Variants in STAT5B observed in about 807,000 individuals in gnomAD.
STAT5B encodes transcription factor STAT5B.
A neutral mutation model predicts 107.8 loss-of-function variants in STAT5B; 21 were observed. The ratio of observed to expected loss-of-function variants is 0.19; its 90% confidence interval spans 0.14 to 0.28. The LOEUF is 0.28. Ranked by LOEUF, STAT5B falls within the 10% of genes least tolerant of loss-of-function variation. STAT5B has a pLI of 1.00. For synonymous variants in STAT5B, 325 were observed against 401.7 expected, an observed-to-expected ratio of 0.81 and a Z score of 2.28; for missense variants, 565 against 1,008.2, an observed-to-expected ratio of 0.56 and a Z score of 5.95.
chr17:42,267,165 G>C (rs2080680119), intron 1 of STAT5B, among the ~76,000 whole-genome samples: 1 of 152,184 alleles, frequency 6.6e-6, no homozygotes, highest in South Asian at 2.1e-4. Context: ...CCAGTCATGT[G>C]AAAGTCTAGC....
chr17:42,264,975 T>C (rs1414721567), intron 1 of STAT5B, among the ~76,000 whole-genome samples: 1 of 123,582 alleles, frequency 8.1e-6, no homozygotes, highest in Admixed American at 8.9e-5. Flanking sequence ...TGAGCATTTT[T>C]TCATGTGTTT....
At chr17:42,251,967 C>A (rs1258143735) in intron 1 of STAT5B, among the ~76,000 whole-genome samples, 1 of 150,156 alleles carries the variant, frequency 6.7e-6, no homozygotes, top group Non-Finnish European at 1.5e-5. Context: ...CCACTGCATT[C>A]CAGCCTGGGT....
chr17:42,221,974 GTGTGTGTGC>G (rs1431866131), intron 5 of STAT5B, among the ~76,000 whole-genome samples: 17 of 144,628 alleles, frequency 1.2e-4, no homozygotes, highest in Non-Finnish European at 2.3e-4. Context: ...TATGTGTGGT[GTGTGTGTGC>G]TGTGTGTGGT....
At chr17:42,216,159 T>C (rs987688182) in intron 11 of STAT5B, 53 bp from the exon 12 acceptor site, 2 of 1,466,298 alleles carry the variant, frequency 1.4e-6, no homozygotes, top group Non-Finnish European at 1.8e-6. Flanking sequence ...GTTCTTCTCC[T>C]TCTCTCTTTT....
intron 1 of STAT5B, among the ~76,000 whole-genome samples, chr17:42,242,988 G>A (rs942171537): frequency 1.5e-4 from 20 of 130,042 alleles, no homozygotes; most frequent in African/African-American, 5.1e-4. Context: ...CAAACACTGC[G>A]GAAGGCCACA....
upstream of STAT5B, among the ~76,000 whole-genome samples, chr17:42,277,155 G>A (rs2080773455): frequency 6.6e-6 from 1 of 152,220 alleles, no homozygotes; most frequent in South Asian, 2.1e-4. Flanking sequence ...CTTTCCACGT[G>A]CTGAGGAGGG....
At chr17:42,245,073 A>ATTTTTTT (rs745914040) in intron 1 of STAT5B, among the ~76,000 whole-genome samples, 9 of 105,500 alleles carry the variant, frequency 8.5e-5, no homozygotes, top group African/African-American at 3.2e-4. Flanking sequence ...TGCCTGGCTA[A>ATTTTTTT]TTTTTTTTTT....
At chr17:42,244,482 T>C (rs1369380964) in intron 1 of STAT5B, among the ~76,000 whole-genome samples, 1 of 152,110 alleles carries the variant, frequency 6.6e-6, no homozygotes, top group Non-Finnish European at 1.5e-5. Context: ...TCAAATCTTT[T>C]AGTTCAGGAA....
intron 1 of STAT5B, among the ~76,000 whole-genome samples, chr17:42,249,086 T>G (rs2080476537): frequency 6.6e-6 from 1 of 152,086 alleles, no homozygotes; most frequent in Admixed American, 6.5e-5. Context: ...TGTCCAGAAG[T>G]CTCCATCTAA....
chr17:42,282,596 T>G, the STAT5B span, among the ~76,000 whole-genome samples: 1 of 152,170 alleles, frequency 6.6e-6, no homozygotes, highest in African/African-American at 2.4e-5. Flanking sequence ...TGCCTCAGCC[T>G]CCCAAAGTGC....
At chr17:42,243,213 G>A (rs1334780636) in intron 1 of STAT5B, among the ~76,000 whole-genome samples, 3 of 151,868 alleles carry the variant, frequency 2.0e-5, no homozygotes, top group Non-Finnish European at 4.4e-5. Context: ...AAAATTAGTT[G>A]GGCGTGGTGG....
chr17:42,207,835 A>G, intron 15 of STAT5B, 107 bp from the exon 16 acceptor site: 1 of 1,102,930 alleles, frequency 9.1e-7, no homozygotes, highest in Admixed American at 2.3e-5. Context: ...AATGGCTCCA[A>G]TAGAAATCTC....
intron 1 of STAT5B, among the ~76,000 whole-genome samples, chr17:42,274,324 C>T (rs2080746942): frequency 6.7e-6 from 1 of 149,342 alleles, no homozygotes; most frequent in Non-Finnish European, 1.5e-5. Flanking sequence ...CATTCCTTCC[C>T]TGTGTCTCAA....
intron 5 of STAT5B, among the ~76,000 whole-genome samples, chr17:42,222,011 T>TGTGTG (rs1275641491): frequency 1.2e-4 from 16 of 137,914 alleles, no homozygotes; most frequent in African/African-American, 4.5e-4. Flanking sequence ...GTGTGTGCTG[T>TGTGTG]GTGTGGTGTG....
In STAT5B at chr17:42,200,176, T is replaced by C. The variant is rs1452260144; in HGVS notation, c.*1562A>G. 4 of 152,688 alleles carry C rather than the reference T, an allele frequency of 2.6e-5. No individual in the cohort carries two copies. Among genetic ancestry groups the C allele is most frequent in the African/African-American group, 7.2e-5 (3 of 41,430 alleles). The allele number at this position is 152,688 out of a possible 1,614,324, so 9.5% of individuals were successfully genotyped here. ...ATAAATAATTTACTATAGAGGAATA[T>C]TTTTAACGGCAAAACACTGATAAAT... On this transcript the variant is annotated 3_prime_UTR_variant, in exon 19 of 19. Coordinates refer to ENST00000293328, the MANE Select transcript of STAT5B (RefSeq NM_012448.4).
At chr17:42,231,971 A>G (rs1263243777) in intron 2 of STAT5B, 29 bp downstream of exon 2, 1 of 1,613,258 alleles carries the variant, frequency 6.2e-7, no homozygotes, top group Non-Finnish European at 8.5e-7. Flanking sequence ...GTTTCACAAA[A>G]TATGATGCAA....
chr17:42,260,011 T>C (rs962195302), intron 1 of STAT5B, among the ~76,000 whole-genome samples: 1 of 152,182 alleles, frequency 6.6e-6, no homozygotes, highest in African/African-American at 2.4e-5. Context: ...GAGACAGCCC[T>C]ATATTTCATT....
At chr17:42,253,037 A>G (rs991768250) in intron 1 of STAT5B, among the ~76,000 whole-genome samples, 2 of 152,358 alleles carry the variant, frequency 1.3e-5, no homozygotes, top group Admixed American at 1.3e-4. Context: ...ATGAGGTTCT[A>G]TACCCAGAAT....
the STAT5B span, among the ~76,000 whole-genome samples, chr17:42,283,963 A>C: frequency 2.6e-5 from 4 of 152,130 alleles, no homozygotes; most frequent in Non-Finnish European, 5.9e-5. Context: ...TAAGTGCTCC[A>C]GGGCTTCTCC....
Sources: allele counts gnomAD v4.1 joint callset (sites outside exome capture counted in the v4.1 genomes callset), GRCh38; gene constraint gnomAD v4.1.1; transcripts MANE v1.5; gene names NCBI Gene and HGNC (gene_info 2026-07-23, HGNC 2026-07-21).